Variants in COL24A1 observed in about 807,000 individuals in gnomAD.
COL24A1 encodes collagen type XXIV alpha 1 chain.
COL24A1 carries 224 observed loss-of-function variants against 253.9 expected under a neutral mutation model. The ratio of observed to expected loss-of-function variants is 0.88; its 90% CI spans 0.79 to 0.99. The LOEUF is 0.99. COL24A1 is among the 50% of genes least tolerant of loss of function. The pLI, the probability that COL24A1 is intolerant of heterozygous loss-of-function variation, is 0.00. For missense variants in COL24A1, 2,131 were observed against 2,068.5 expected, an observed-to-expected ratio of 1.03 and a Z score of -0.59; for synonymous variants, 685 against 673.7, an observed-to-expected ratio of 1.02 and a Z score of -0.26.
At chr1:85,799,470 A>G (rs2101765582) in intron 47 of COL24A1, among the ~76,000 whole-genome samples, 1 of 151,896 alleles carries the variant, frequency 6.6e-6, no homozygotes, top group African/African-American at 2.4e-5. Flanking sequence ...GTATTTAGAA[A>G]TGGTCTTATT....
intron 14 of COL24A1, among the ~76,000 whole-genome samples, chr1:86,024,222 C>T (rs1194445754): frequency 4.6e-5 from 7 of 152,114 alleles, no homozygotes; most frequent in Admixed American, 1.3e-4. Context: ...AAGACAGTTA[C>T]CAGTACTAGA....
intron 28 of COL24A1, among the ~76,000 whole-genome samples, chr1:85,903,395 T>A (rs1476432894): frequency 6.6e-6 from 1 of 152,184 alleles, no homozygotes; most frequent in African/African-American, 2.4e-5. Context: ...GTTATAGAAG[T>A]TATCCCATGG....
chr1:86,037,063 G>C (rs1228519505), intron 12 of COL24A1, among the ~76,000 whole-genome samples: 1 of 152,132 alleles, frequency 6.6e-6, no homozygotes, highest in African/African-American at 2.4e-5. Flanking sequence ...GTTGTATATA[G>C]TTCTCTTCTT....
Position 85,786,424 on chromosome 1 carries a change from C to A in COL24A1, c.3989G>T (p.Gly1330Val). The A allele has an allele frequency of 2.5e-6, 4 of 1,613,602 alleles. No homozygotes were observed. Among genetic ancestry groups the A allele is most frequent in the Non-Finnish European group, 3.4e-6 (4 of 1,179,762 alleles). The change falls in exon 48 of 60, where the codon GGG becomes GTG. Residue 1330 changes from glycine (G) to valine (V), a missense_variant. Physicochemically the swap from Gly to Val is moderately radical, Grantham distance 109. Transcript: ENST00000370571. ...RGGPGRTGLA[G>V]APGPPGVKGS... Reference sequence around the variant, plus strand: ...CTTTACTCCTGGAGGACCTGGAGCCCCAGCAAGACCTGTTCTTCCTGGGCC... The same window carrying A: ...CTTTACTCCTGGAGGACCTGGAGCCACAGCAAGACCTGTTCTTCCTGGGCC...
chr1:86,110,507 C>T (rs922146669), intron 5 of COL24A1, among the ~76,000 whole-genome samples: 24 of 151,962 alleles, frequency 1.6e-4, no homozygotes, highest in Non-Finnish European at 2.8e-4. Context: ...AGGCCCTCTC[C>T]GTGCTGGCCC....
intron 3 of COL24A1, among the ~76,000 whole-genome samples, chr1:86,124,327 C>A (rs1304820640): frequency 2.0e-5 from 3 of 151,868 alleles, no homozygotes; most frequent in African/African-American, 7.2e-5. Flanking sequence ...TCACTAAAGA[C>A]AGTCAACGAT....
chr1:85,804,098 A>C (rs1039326252), intron 47 of COL24A1, among the ~76,000 whole-genome samples: 1 of 152,208 alleles, frequency 6.6e-6, no homozygotes. Context: ...AAATAGCTTA[A>C]TTAAGTTTAC....
intron 58 of COL24A1, among the ~76,000 whole-genome samples, chr1:85,737,094 A>G (rs981688821): frequency 2.6e-5 from 4 of 152,152 alleles, no homozygotes; most frequent in Non-Finnish European, 5.9e-5. Context: ...AGAAATTTCT[A>G]ATGTGTGTGT....
intron 40 of COL24A1, 54 bp downstream of exon 40, chr1:85,842,286 T>A: frequency 7.1e-7 from 1 of 1,402,936 alleles, no homozygotes; most frequent in South Asian, 1.2e-5. Context: ...TGGGATATCA[T>A]CTTTAATAAA....
intron 37 of COL24A1, among the ~76,000 whole-genome samples, chr1:85,861,774 A>C (rs1679177727): frequency 6.6e-6 from 1 of 152,228 alleles, no homozygotes; most frequent in Admixed American, 6.5e-5. Flanking sequence ...TTTGAATAAA[A>C]CCCAAATTTC....
intron 57 of COL24A1, among the ~76,000 whole-genome samples, chr1:85,742,167 T>A (rs1664722052): frequency 6.9e-6 from 1 of 145,738 alleles, no homozygotes; most frequent in South Asian, 2.1e-4. Flanking sequence ...AGAGTCTCAC[T>A]CTGTGGCCAG....
chr1:85,796,119 G>A (rs1275033473), intron 47 of COL24A1, among the ~76,000 whole-genome samples: 2 of 152,142 alleles, frequency 1.3e-5, no homozygotes, highest in Admixed American at 1.3e-4. Flanking sequence ...AAAGTTAGGA[G>A]GTAATTTTAG....
At chr1:85,926,639 G>T (rs551379740) in intron 24 of COL24A1, among the ~76,000 whole-genome samples, 1 of 151,944 alleles carries the variant, frequency 6.6e-6, no homozygotes, top group African/African-American at 2.4e-5. Context: ...GACACAGGGC[G>T]GGGAACATCA....
chr1:86,115,950 A>G (rs1187796233), intron 3 of COL24A1, among the ~76,000 whole-genome samples: 1 of 151,004 alleles, frequency 6.6e-6, no homozygotes, highest in Non-Finnish European at 1.5e-5. Flanking sequence ...TATAAAATAA[A>G]GTATGAAAGC....
intron 7 of COL24A1, among the ~76,000 whole-genome samples, chr1:86,065,770 A>G (rs914934396): frequency 4.6e-5 from 7 of 151,764 alleles, no homozygotes; most frequent in African/African-American, 1.7e-4. Flanking sequence ...AAAAAAAAAA[A>G]AAAAGAGAGA....
At position 86,063,759 on chromosome 1, in the gene COL24A1, C is replaced by T; in HGVS notation, c.1708G>A (p.Gly570Ser). 2 of 1,534,002 alleles carry T rather than the reference C, an allele frequency of 1.3e-6. No homozygotes were observed. The highest frequency in any genetic ancestry group is 1.8e-6 in the Non-Finnish European group (2 of 1,139,528). ...MGPPGMQGDK[G>S]LKGHPGLPGL... ...GGGAGTCCAGGATGTCCTTTGAGAC[C>T]CTGTAAAAGAATAAGTGGAGACATG... Residue 570 changes from glycine to serine, a missense_variant and splice_region_variant, in exon 8 of 60, where the codon GGT (glycine) becomes AGT (serine). Coordinates refer to ENST00000370571, the MANE Select transcript of COL24A1 (RefSeq NM_152890.7).
At chr1:86,045,284 C>G (rs550954397) in intron 12 of COL24A1, among the ~76,000 whole-genome samples, 3 of 152,264 alleles carry the variant, frequency 2.0e-5, no homozygotes, top group Admixed American at 6.5e-5. Flanking sequence ...GCCACCGCGC[C>G]CAGCCTTCAG....
chr1:85,877,520 G>A (rs967954542), intron 32 of COL24A1, among the ~76,000 whole-genome samples: 11 of 151,992 alleles, frequency 7.2e-5, no homozygotes, highest in African/African-American at 1.5e-4. Flanking sequence ...TTGCCACCAC[G>A]CATGGCTAAT....
At chr1:85,895,669 T>C (rs187748518) in intron 31 of COL24A1, among the ~76,000 whole-genome samples, 189 bp downstream of exon 31, 63 of 152,288 alleles carry the variant, frequency 4.1e-4, no homozygotes, top group African/African-American at 1.3e-3. Context: ...ACAATAGTTG[T>C]ATTAGAGAAT....
Sources: gnomAD v4.1 joint callset for allele counts (sites outside exome capture counted in the v4.1 genomes callset) on GRCh38, gnomAD v4.1.1 for gene constraint, MANE v1.5 for transcripts, NCBI Gene and HGNC (gene_info 2026-07-23, HGNC 2026-07-21) for gene names.